Variants in GPC4 observed in about 807,000 individuals in gnomAD.
The protein encoded by GPC4 is glypican 4.
Under a neutral mutation model 35.0 loss-of-function variants are expected in GPC4, and 10 were observed. The ratio of observed to expected loss-of-function variants is 0.29; its 90% CI spans 0.18 to 0.48. The LOEUF (loss-of-function observed/expected upper bound fraction) is 0.48, where lower values mean the gene tolerates loss of function less well. Ranked by LOEUF, GPC4 falls within the 20% of genes least tolerant of loss-of-function variation. The probability of loss-of-function intolerance (pLI) is 0.99; values close to 1 mark genes in which losing one functional copy is unlikely to be tolerated. For missense variants in GPC4, 322 were observed against 451.3 expected (o/e 0.71, Z 2.60); for synonymous variants, 167 against 170.2 (o/e 0.98, Z 0.15).
intron 1 of GPC4, among the ~76,000 whole-genome samples, chrX:133,395,183 T>C (rs1205217161): frequency 8.9e-6 from 1 of 111,909 alleles, no homozygotes; most frequent in Non-Finnish European, 1.9e-5. Context: ...ATCTACATGA[T>C]GCGTTCAAAA....
At chrX:133,388,487 G>A (rs1456877108) in intron 1 of GPC4, among the ~76,000 whole-genome samples, 2 of 111,593 alleles carry the variant, frequency 1.8e-5, no homozygotes, top group Admixed American at 1.9e-4. Context: ...AATGCCTGAC[G>A]GCTTCAAGGA....
chrX:133,358,311 GATAA>G (rs1251197814), intron 1 of GPC4, among the ~76,000 whole-genome samples: 3 of 112,195 alleles, frequency 2.7e-5, no homozygotes, highest in African/African-American at 9.7e-5. Context: ...GGTTTCTACA[GATAA>G]ATATGATTCA....
chrX:133,347,267 T>TG (rs2068497310), intron 1 of GPC4, among the ~76,000 whole-genome samples: 1 of 94,807 alleles, frequency 1.1e-5, no homozygotes, highest in Admixed American at 1.2e-4. Context: ...TTTTTTTTTT[T>TG]TTTTTTTTTT....
At chrX:133,355,642 G>A (rs985970475) in intron 1 of GPC4, among the ~76,000 whole-genome samples, 8 of 111,753 alleles carry the variant, frequency 7.2e-5, no homozygotes, top group African/African-American at 2.6e-4. Flanking sequence ...AACAAGAAGG[G>A]TCAATGAAAA....
At chrX:133,308,326 C>A (rs2068299998) in intron 4 of GPC4, among the ~76,000 whole-genome samples, 1 of 112,087 alleles carries the variant, frequency 8.9e-6, no homozygotes, top group South Asian at 3.7e-4. Flanking sequence ...TAAATTCCCA[C>A]TGGCAGCAAC....
intron 1 of GPC4, among the ~76,000 whole-genome samples, chrX:133,386,633 G>C (rs1206530555): frequency 2.7e-5 from 3 of 111,164 alleles, no homozygotes; most frequent in Admixed American, 9.6e-5. Context: ...GATGCCCCCT[G>C]GCCTCCCTTG....
At chrX:133,369,570 C>A (rs1235592137) in intron 1 of GPC4, among the ~76,000 whole-genome samples, 1 of 112,176 alleles carries the variant, frequency 8.9e-6, no homozygotes, top group Non-Finnish European at 1.9e-5. Context: ...ACTACTCTCT[C>A]CTAAATGAAT....
chrX:133,310,381 G>T (rs138245655), intron 4 of GPC4, among the ~76,000 whole-genome samples: 1,173 of 111,896 alleles, frequency 0.01, 8 homozygotes, highest in Middle Eastern at 0.051. Context: ...TTCAACACTG[G>T]TTACTGTTGC....
At position 133,318,342 on chromosome X, in the gene GPC4, C is replaced by T. The variant is rs1049742888; in HGVS notation, c.711+5803G>A. ...ATAGTTTGTTTAGTACTCTTGTAGG[C>T]TTCTTGGTTTCCCACAGTTAATTCT... On this transcript the variant is annotated intron_variant, in intron 3 of 8. Transcript: ENST00000370828. Among the ~76,000 whole-genome samples the T allele has an allele frequency of 3.6e-5, 4 of 112,208 alleles. No individual in the cohort carries two copies. The Admixed American group carries it at 3.8e-4, about 11-fold the overall frequency.
rs2068283594 is a variant in GPC4 at position 133,304,771 on chromosome X, C to G, written c.1246G>C (p.Gly416Arg). ...NVCNDERMAA[G>R]NGNEDDCWNG... Reference sequence around the variant, plus strand: ...CAACAGTCATCCTCATTGCCGTTTCCTGCAGCCATCCTCTCATCGTTGCAA... The same window carrying G: ...CAACAGTCATCCTCATTGCCGTTTCGTGCAGCCATCCTCTCATCGTTGCAA... The change falls in exon 7 of 9, where the codon GGA (glycine) becomes CGA (arginine). Residue 416 changes from glycine (G) to arginine (R), a missense_variant. Around this residue, in one of 3 missense-constraint regions of GPC4, gnomAD observed 99 missense variants for 110.0 expected, o/e 0.90. Transcript: ENST00000370828. 3 of 1,210,021 alleles carry G rather than the reference C, an allele frequency of 2.5e-6. No individual in the cohort carries two copies. In the African/African-American group the frequency reaches 5.2e-5, roughly 21 times the overall value.
chrX:133,305,972 C>G (rs374648524), intron 5 of GPC4, 52 bp downstream of exon 5: 3 of 1,207,723 alleles, frequency 2.5e-6, no homozygotes, highest in Admixed American at 4.4e-5. Flanking sequence ...AGGCGGGAGG[C>G]GGAGGCGGGG....
At chrX:133,321,657 G>A (rs2068365233) in intron 3 of GPC4, among the ~76,000 whole-genome samples, 1 of 111,982 alleles carries the variant, frequency 8.9e-6, no homozygotes, top group Admixed American at 9.4e-5. Flanking sequence ...AATGTGCTGG[G>A]TGTACCACAA....
At chrX:133,414,755 C>T (rs1023472527) in intron 1 of GPC4, 51 bp downstream of exon 1, 24 of 1,183,747 alleles carry the variant, frequency 2.0e-5, no homozygotes, top group Non-Finnish European at 2.7e-5. Context: ...TTGCAGCCTC[C>T]CTTCCCGAAG....
At position 133,341,173 on chromosome X, in the gene GPC4, G is replaced by A. The variant is rs766566738; in HGVS notation, c.161-1832C>T. ...CTTAACAAGTTCACAGCAGGCCTTCGGTACTGGGACACATAATTAACACAG... is the reference window on the plus strand; with the variant it reads ...CTTAACAAGTTCACAGCAGGCCTTCAGTACTGGGACACATAATTAACACAG... On this transcript the variant is annotated intron_variant, in intron 1 of 8. Transcript: ENST00000370828. Among the ~76,000 whole-genome samples the A allele has an allele frequency of 9.5e-4, 106 of 111,464 alleles. 1 individual carries two copies. The highest frequency in any genetic ancestry group is 1.6e-3 in the Non-Finnish European group (87 of 53,069).
At chrX:133,322,823 C>A in intron 3 of GPC4, among the ~76,000 whole-genome samples, 1 of 112,276 alleles carries the variant, frequency 8.9e-6, no homozygotes, top group Non-Finnish European at 1.9e-5. Flanking sequence ...CAATGGCCTA[C>A]AATTTGGCTT....
intron 1 of GPC4, among the ~76,000 whole-genome samples, chrX:133,390,334 G>A (rs1255134872): frequency 9.0e-6 from 1 of 111,705 alleles, no homozygotes; most frequent in African/African-American, 3.3e-5. Context: ...TAAGACAAAT[G>A]GGAACATAGT....
chrX:133,369,603 G>A (rs2068603989), intron 1 of GPC4, among the ~76,000 whole-genome samples: 1 of 112,195 alleles, frequency 8.9e-6, no homozygotes, highest in East Asian at 2.8e-4. Flanking sequence ...AAACACCGAA[G>A]TATTCACAAA....
rs984142694 is a variant in GPC4, at chrX:133,311,118, T to A, written c.877+140A>T. The A allele has an allele frequency of 7.2e-6, 4 of 554,088 alleles. No individual in the cohort carries two copies. The African/African-American group carries it at 9.3e-5, about 13-fold the overall frequency. The allele number at this position is 554,088 out of a possible 1,213,427, so 45.7% of individuals were successfully genotyped here. ...AATGTTTTTACTATTCTCAAAGTAG[T>A]TGAGCGTAGTCAGGATTCTGACAAA... On this transcript the variant is annotated intron_variant, in intron 4 of 8. Transcript: ENST00000370828.
chrX:133,404,030 C>T (rs2068776478), intron 1 of GPC4, among the ~76,000 whole-genome samples: 1 of 111,236 alleles, frequency 9.0e-6, no homozygotes, highest in Admixed American at 9.6e-5. Context: ...CAAATAGCTA[C>T]ATAGTCAGAC....
Sources: allele counts gnomAD v4.1 joint callset (sites outside exome capture counted in the v4.1 genomes callset), GRCh38; gene constraint gnomAD v4.1.1; regional missense constraint gnomAD v4.1.1; transcripts MANE v1.5; gene names NCBI Gene and HGNC (gene_info 2026-07-23, HGNC 2026-07-21).